Variants in SLC41A1 observed in about 807,000 individuals in gnomAD.
SLC41A1 encodes the protein solute carrier family 41 (magnesium transporter), member 1.
A neutral mutation model predicts 47.3 loss-of-function variants in SLC41A1; 20 were observed. The observed-to-expected ratio is 0.42, with a 90% CI of 0.30 to 0.61. The LOEUF (loss-of-function observed/expected upper bound fraction) is 0.61. Ranked by LOEUF, SLC41A1 falls within the 20% of genes least tolerant of loss-of-function variation. The pLI, the probability that SLC41A1 is intolerant of heterozygous loss-of-function variation, is 0.17. For synonymous variants in SLC41A1, 282 were observed against 272.7 expected (o/e 1.03, Z -0.34); for missense variants, 504 against 674.1 (o/e 0.75, Z 2.79).
At chr1:205,794,063 G>A (rs1392856161) in intron 10 of SLC41A1, among the ~76,000 whole-genome samples, 1 of 152,312 alleles carries the variant, frequency 6.6e-6, no homozygotes, top group African/African-American at 2.4e-5. Flanking sequence ...TTGTGGTGAT[G>A]AAACAGTTTT....
At position 205,791,457 on chromosome 1, in the gene SLC41A1, G is replaced by A. The variant is rs914983065; in HGVS notation, c.*76C>T. ...TAGAAAGAGGTGGGAGTGTGGGGTG[G>A]AGGAGGGACAGGGGAACAAAAGAAA... On this transcript the variant is annotated 3_prime_UTR_variant, in exon 11 of 11. Transcript: ENST00000367137. This position sits in a 1 kb window ranked among gnomAD's most constrained non-coding sequence, Gnocchi z 4.0. 4.5e-6 allele frequency: 7 copies of A among 1,545,022 alleles called. No homozygotes were observed. Among genetic ancestry groups the A allele is most frequent in the East Asian group, 2.3e-5 (1 of 44,258 alleles).
chr1:205,803,341 C>T lies in SLC41A1; in HGVS notation c.373-2281G>A, dbSNP rs1655933816. ...GATATTTATCCAAAAGAATAGAAAG[C>T]AAGGTCTTGAAGATATATTAATATG... On this transcript the variant is annotated intron_variant, in intron 2 of 10. Coordinates refer to ENST00000367137, the MANE Select transcript of SLC41A1 (RefSeq NM_173854.6). 1.3e-5 allele frequency among the ~76,000 whole-genome samples: 2 copies of T among 152,258 alleles called. 1 individual carries two copies. Among genetic ancestry groups the T allele is most frequent in the South Asian group, 4.1e-4 (2 of 4,820 alleles).
intron 4 of SLC41A1, 119 bp from the exon 5 acceptor site, chr1:205,799,220 C>G: frequency 7.4e-7 from 1 of 1,356,062 alleles, no homozygotes; most frequent in Non-Finnish European, 1.0e-6. Flanking sequence ...GCAGGCTGGA[C>G]TGCATGGTCC....
At chr1:205,807,559 T>C (rs1228371083) in intron 2 of SLC41A1, among the ~76,000 whole-genome samples, 1 of 152,000 alleles carries the variant, frequency 6.6e-6, no homozygotes, top group Non-Finnish European at 1.5e-5. Context: ...CTTTTATTCT[T>C]GCTCACTTCA....
At chr1:205,809,671 T>C (rs181019126) in intron 2 of SLC41A1, among the ~76,000 whole-genome samples, 77 of 152,254 alleles carry the variant, frequency 5.1e-4, no homozygotes, top group Non-Finnish European at 1.0e-4. Flanking sequence ...CTTTCTACTA[T>C]GGGTATCCTT....
intron 1 of SLC41A1, among the ~76,000 whole-genome samples, chr1:205,812,037 G>A (rs1656168712): frequency 1.3e-5 from 2 of 152,132 alleles, no homozygotes; most frequent in African/African-American, 4.8e-5. Context: ...CCAAAGCACC[G>A]TAAGCCAATA....
rs1432226638 is a variant in SLC41A1 at position 205,791,181 on chromosome 1, C to T, written c.*352G>A. The T allele has an allele frequency of 1.3e-5, 4 of 316,102 alleles. No individual in the cohort carries two copies. The highest frequency in any genetic ancestry group is 1.1e-3 in the Middle Eastern group (1 of 952). 19.6% of individuals were successfully genotyped at this position (316,102 alleles called of 1,614,324 possible). ...TCCAGAGCCCACTTACAAAGGGTTT[C>T]TCATTAGGGCCAAGACAGGTTGCTA... On this transcript the variant is annotated 3_prime_UTR_variant, in exon 11 of 11. Transcript: ENST00000367137. This position sits in a 1 kb window ranked among gnomAD's most constrained non-coding sequence, Gnocchi z 4.0.
chr1:205,806,941 T>C (rs971058127), intron 2 of SLC41A1, among the ~76,000 whole-genome samples: 2 of 152,132 alleles, frequency 1.3e-5, no homozygotes, highest in Non-Finnish European at 2.9e-5. Flanking sequence ...CAAGGAAAGA[T>C]GGGGGCCCTG....
At chr1:205,796,742 C>T (rs1461876038) in intron 8 of SLC41A1, 182 bp downstream of exon 8, 3 of 653,938 alleles carry the variant, frequency 4.6e-6, no homozygotes, top group East Asian at 5.5e-5. Flanking sequence ...CATCCCTTAT[C>T]TGTCCTTTTA....
At chr1:205,808,955 T>G (rs1004854027) in intron 2 of SLC41A1, among the ~76,000 whole-genome samples, 1 of 152,166 alleles carries the variant, frequency 6.6e-6, no homozygotes, top group African/African-American at 2.4e-5. Context: ...GTCTGTAGGG[T>G]TGGCTTGGCA....
At chr1:205,793,710 C>A (rs1183335801) in intron 10 of SLC41A1, among the ~76,000 whole-genome samples, 1 of 152,110 alleles carries the variant, frequency 6.6e-6, no homozygotes, top group East Asian at 1.9e-4. Context: ...ATGGAATGAT[C>A]TCAAAGATAA....
At chr1:205,807,720 A>C (rs1178950742) in intron 2 of SLC41A1, among the ~76,000 whole-genome samples, 1 of 146,934 alleles carries the variant, frequency 6.8e-6, no homozygotes, top group African/African-American at 2.5e-5. Context: ...CAGTGGTACA[A>C]TCATAGCTCA....
chr1:205,792,464 G>A (rs1655646495), intron 10 of SLC41A1, among the ~76,000 whole-genome samples: 1 of 152,120 alleles, frequency 6.6e-6, no homozygotes. Flanking sequence ...CTGTGTTCTT[G>A]CTTACCTTCT....
In SLC41A1 at chr1:205,813,044, G is replaced by T. The variant is rs1305661875; in HGVS notation, c.-883C>A. On this transcript the variant is annotated 5_prime_UTR_variant, in exon 1 of 11. Coordinates refer to ENST00000367137, the MANE Select transcript of SLC41A1 (RefSeq NM_173854.6). ...GCTCCGCTTCCACGCGGGGGAGGTG[G>T]CCGGGGAGGGCAGGATATATCGCTT... The T allele has an allele frequency of 1.0e-6, 1 of 985,426 alleles. No homozygotes were observed. Among genetic ancestry groups the T allele is most frequent in the Non-Finnish European group, 1.2e-6 (1 of 830,012 alleles). 61.0% of individuals were successfully genotyped at this position (985,426 alleles called of 1,614,324 possible).
chr1:205,805,424 C>T (rs1391976131), intron 2 of SLC41A1, among the ~76,000 whole-genome samples: 1 of 152,136 alleles, frequency 6.6e-6, no homozygotes, highest in African/African-American at 2.4e-5. Context: ...CAGGGGCAGA[C>T]AGTGAGTAGC....
chr1:205,804,358 C>T (rs1655965349), intron 2 of SLC41A1, among the ~76,000 whole-genome samples: 2 of 152,230 alleles, frequency 1.3e-5, no homozygotes, highest in South Asian at 4.1e-4. Flanking sequence ...CTGGTCTGGC[C>T]AAGACCTGGG....
At chr1:205,797,112 C>T in intron 7 of SLC41A1, 109 bp from the exon 8 acceptor site, 1 of 966,112 alleles carries the variant, frequency 1.0e-6, no homozygotes, top group South Asian at 1.4e-5. Context: ...AGGGAAGCAC[C>T]ATGGCTCTCA....
chr1:205,793,269 CAA>C, intron 10 of SLC41A1, among the ~76,000 whole-genome samples: 1 of 152,306 alleles, frequency 6.6e-6, no homozygotes, highest in East Asian at 1.9e-4. Flanking sequence ...TACAGGGGAT[CAA>C]GTGTCACGCT....
Position 205,791,465 on chromosome 1 carries a change from A to T in SLC41A1, c.*68T>A. The T allele has an allele frequency of 1.3e-6, 2 of 1,583,300 alleles. No individual in the cohort carries two copies. The highest frequency in any genetic ancestry group is 1.7e-6 in the Non-Finnish European group (2 of 1,154,540). ...GGTGGGAGTGTGGGGTGGAGGAGGG[A>T]CAGGGGAACAAAAGAAAAATTTCAA... On this transcript the variant is annotated 3_prime_UTR_variant, in exon 11 of 11. Coordinates refer to ENST00000367137, the MANE Select transcript of SLC41A1 (RefSeq NM_173854.6). The surrounding 1 kb of genome is among the most constrained non-coding windows in gnomAD (Gnocchi z 4.0).
Sources: gnomAD v4.1 joint callset for allele counts (sites outside exome capture counted in the v4.1 genomes callset) on GRCh38, gnomAD v4.1.1 for gene constraint, Gnocchi (gnomAD v3.1) non-coding constraint, MANE v1.5 for transcripts, NCBI Gene and HGNC (gene_info 2026-07-23, HGNC 2026-07-21) for gene names.